Variants in AFF3 observed in about 807,000 individuals in gnomAD.
AFF3 encodes ALF transcription elongation factor 3.
AFF3 carries 32 observed loss-of-function variants against 129.7 expected under a neutral mutation model. The ratio of observed to expected loss-of-function variants is 0.25; its 90% CI spans 0.19 to 0.33. The LOEUF (loss-of-function observed/expected upper bound fraction) is 0.33, where lower values mean the gene tolerates loss of function less well. AFF3 is among the 10% of genes least tolerant of loss of function. The pLI, the probability that AFF3 is intolerant of heterozygous loss-of-function variation, is 1.00. For missense variants in AFF3, 1,373 were observed against 1,592.0 expected (o/e 0.86, Z 2.34); for synonymous variants, 644 against 635.4 (o/e 1.01, Z -0.20).
intron 11 of AFF3, among the ~76,000 whole-genome samples, chr2:99,711,416 G>T (rs1055727677): frequency 3.3e-5 from 5 of 152,184 alleles, no homozygotes; most frequent in African/African-American, 1.2e-4. Flanking sequence ...ATGTCCAGTA[G>T]ACTGCCTGGT....
chr2:99,990,994 G>A (rs1220896184), intron 7 of AFF3, among the ~76,000 whole-genome samples: 3 of 152,062 alleles, frequency 2.0e-5, no homozygotes, highest in African/African-American at 4.8e-5. Flanking sequence ...GTGTGTACCA[G>A]AACCACAGGC....
At chr2:99,772,023 G>A (rs959326301) in intron 8 of AFF3, among the ~76,000 whole-genome samples, 2 of 152,176 alleles carry the variant, frequency 1.3e-5, no homozygotes, top group Non-Finnish European at 2.9e-5. Flanking sequence ...GAATGCAATC[G>A]ACATGCGGTA....
intron 10 of AFF3, among the ~76,000 whole-genome samples, chr2:99,733,155 G>A (rs1179782631): frequency 1.3e-5 from 2 of 151,806 alleles, no homozygotes; most frequent in African/African-American, 2.4e-5. Context: ...CGAGGCAGGC[G>A]GATCATGAGG....
chr2:99,669,890 C>T (rs1316450441), intron 12 of AFF3, among the ~76,000 whole-genome samples: 2 of 152,160 alleles, frequency 1.3e-5, no homozygotes, highest in African/African-American at 4.8e-5. Flanking sequence ...GCGGAGGTTG[C>T]AGTGAGCCAA....
intron 4 of AFF3, among the ~76,000 whole-genome samples, chr2:100,022,927 TA>T (rs1425616797): frequency 2.0e-5 from 3 of 152,056 alleles, no homozygotes; most frequent in East Asian, 1.9e-4. Context: ...CAGGAAGAGA[TA>T]GGGGGAGACA....
intron 17 of AFF3, among the ~76,000 whole-genome samples, chr2:99,578,819 G>A (rs1027821266): frequency 2.0e-5 from 3 of 152,166 alleles, no homozygotes; most frequent in Non-Finnish European, 4.4e-5. Flanking sequence ...ACTGGAGGCT[G>A]GCCAGTTCAG....
At chr2:99,837,271 C>T (rs75886137) in intron 8 of AFF3, among the ~76,000 whole-genome samples, 1,866 of 152,154 alleles carry the variant, frequency 0.012, 42 homozygotes, top group African/African-American at 0.043. Flanking sequence ...AGGGTGTCAC[C>T]TCAGCCTGTG....
intron 4 of AFF3, among the ~76,000 whole-genome samples, chr2:100,034,271 T>G (rs1684739112): frequency 6.6e-6 from 1 of 152,106 alleles, no homozygotes; most frequent in Non-Finnish European, 1.5e-5. Context: ...TTGCAACACA[T>G]AAAAGTACAC....
intron 8 of AFF3, among the ~76,000 whole-genome samples, chr2:99,757,272 G>A (rs1158178483): frequency 2.0e-5 from 3 of 152,096 alleles, no homozygotes; most frequent in Non-Finnish European, 2.9e-5. Context: ...CACTCAACCT[G>A]GGTGCTCATG....
intron 7 of AFF3, among the ~76,000 whole-genome samples, chr2:99,964,510 T>C (rs1034728490): frequency 2.6e-5 from 4 of 152,148 alleles, no homozygotes; most frequent in African/African-American, 9.6e-5. Flanking sequence ...AAATACTGAA[T>C]GGTTCAAAGA....
chr2:99,739,432 G>T (rs961397522), intron 10 of AFF3, among the ~76,000 whole-genome samples: 6 of 152,088 alleles, frequency 3.9e-5, no homozygotes, highest in African/African-American at 1.5e-4. Flanking sequence ...TGGCTATTAG[G>T]TGGGGATTCT....
At chr2:99,680,901 A>G (rs1395299040) in intron 11 of AFF3, among the ~76,000 whole-genome samples, 1 of 152,252 alleles carries the variant, frequency 6.6e-6, no homozygotes, top group Non-Finnish European at 1.5e-5. Context: ...AAGCTATACC[A>G]GCGTTCACAC....
intron 7 of AFF3, among the ~76,000 whole-genome samples, chr2:99,932,717 T>C (rs1020482398): frequency 6.6e-6 from 1 of 151,820 alleles, no homozygotes; most frequent in African/African-American, 2.4e-5. Context: ...CATCTGTGTC[T>C]GGCATGTGCA....
intron 11 of AFF3, among the ~76,000 whole-genome samples, chr2:99,713,053 C>T (rs892684557): frequency 1.3e-5 from 2 of 152,036 alleles, no homozygotes; most frequent in African/African-American, 4.8e-5. Context: ...AAAGAGACAG[C>T]AATGGTGATT....
At chr2:99,908,706 CA>C (rs1303034569) in intron 7 of AFF3, among the ~76,000 whole-genome samples, 1 of 152,026 alleles carries the variant, frequency 6.6e-6, no homozygotes, top group South Asian at 2.1e-4. Flanking sequence ...TTTATGCAGC[CA>C]AAAAACACAT....
At chr2:99,680,849 A>G (rs1295019691) in intron 11 of AFF3, among the ~76,000 whole-genome samples, 1 of 152,254 alleles carries the variant, frequency 6.6e-6, no homozygotes, top group Non-Finnish European at 1.5e-5. Flanking sequence ...ATTAGAAAAG[A>G]GAACCAAGCA....
intron 11 of AFF3, among the ~76,000 whole-genome samples, chr2:99,714,547 G>A (rs1678202060): frequency 6.6e-6 from 1 of 151,524 alleles, no homozygotes; most frequent in African/African-American, 2.4e-5. Context: ...TCTGTGGACG[G>A]ACACCTCATA....
At chr2:99,756,220 T>C (rs1239581095) in intron 8 of AFF3, among the ~76,000 whole-genome samples, 6 of 152,248 alleles carry the variant, frequency 3.9e-5, no homozygotes, top group Admixed American at 6.5e-5. Flanking sequence ...TGTCTTTCTA[T>C]TGGTTTTTAA....
intron 4 of AFF3, among the ~76,000 whole-genome samples, chr2:100,079,233 A>C (rs1242973471): frequency 1.3e-5 from 2 of 152,174 alleles, no homozygotes; most frequent in Non-Finnish European, 2.9e-5. Flanking sequence ...GGCATGAGCC[A>C]CAGTGCCTGG....
Sources: allele counts gnomAD v4.1 joint callset (sites outside exome capture counted in the v4.1 genomes callset), GRCh38; gene constraint gnomAD v4.1.1; transcripts MANE v1.5; gene names NCBI Gene and HGNC (gene_info 2026-07-23, HGNC 2026-07-21).